Variants in MYH9 observed in about 807,000 individuals in gnomAD.
The protein encoded by MYH9 is myosin-9.
In MYH9, 29 loss-of-function variants were observed where a neutral mutation model predicts 241.9. The observed-to-expected ratio is 0.12, with a 90% CI of 0.09 to 0.16. MYH9 has a LOEUF of 0.16. Ranked by LOEUF, MYH9 falls within the 10% of genes least tolerant of loss-of-function variation. The pLI, the probability that MYH9 is intolerant of heterozygous loss-of-function variation, is 1.00. For missense variants in MYH9, 1,803 were observed against 2,595.5 expected, an observed-to-expected ratio of 0.69 and a Z score of 6.63; for synonymous variants, 1,047 against 1,062.6, an observed-to-expected ratio of 0.99 and a Z score of 0.29.
In MYH9 at chr22:36,281,557, AAC is replaced by A. The variant is rs1351608325; in HGVS notation, c.*1109_*1110del. On this transcript the variant is annotated 3_prime_UTR_variant, in exon 41 of 41. Coordinates refer to ENST00000216181, the MANE Select transcript of MYH9 (RefSeq NM_002473.6). ...GTAAGTCTCAATGCAGCATATACAA[AAC>A]AGTTAGGAATACAAGTAAATTCGGC... 5 of 229,104 alleles carry A rather than the reference AAC, an allele frequency of 2.2e-5. No homozygotes were observed. Among genetic ancestry groups the A allele is most frequent in the East Asian group, 6.3e-5 (1 of 16,000 alleles). 14.2% of individuals were successfully genotyped at this position (229,104 alleles called of 1,614,324 possible). A position where few individuals can be genotyped will look rare whatever the true frequency, so the allele number is the denominator to read the frequency against.
chr22:36,297,081 T>C (rs1026149367), intron 24 of MYH9, 67 bp from the exon 25 acceptor site: 7 of 1,553,182 alleles, frequency 4.5e-6, no homozygotes, highest in African/African-American at 1.4e-5. Flanking sequence ...CAATTACTTA[T>C]ACAAAATACT....
At chr22:36,314,044 A>G in intron 13 of MYH9, 101 bp downstream of exon 13, 2 of 1,439,256 alleles carry the variant, frequency 1.4e-6, no homozygotes, top group East Asian at 2.3e-5. Flanking sequence ...AAGGGGAGTT[A>G]AGACACCTCC....
chr22:36,301,346 T>C (rs1241410748), intron 21 of MYH9, among the ~76,000 whole-genome samples, 188 bp downstream of exon 21: 4 of 152,198 alleles, frequency 2.6e-5, no homozygotes, highest in Non-Finnish European at 5.9e-5. Flanking sequence ...TTAAGTGGCC[T>C]CCCTACATCA....
chr22:36,359,058 A>G (rs1199816014), intron 1 of MYH9, among the ~76,000 whole-genome samples: 5 of 152,210 alleles, frequency 3.3e-5, no homozygotes, highest in Admixed American at 1.3e-4. Context: ...TTGTATTAGG[A>G]ACCCTCTCTG....
Position 36,295,828 on chromosome 22 carries a change from A to C in MYH9, c.3273-111T>G. Reference sequence around the variant, plus strand: ...GCAGCCAAAGCTGCCTCCTGTGGTCACAATCATGGCACTTAGGATGGCTCT... The same window carrying C: ...GCAGCCAAAGCTGCCTCCTGTGGTCCCAATCATGGCACTTAGGATGGCTCT... On this transcript the variant is annotated intron_variant, in intron 25 of 40. Transcript: ENST00000216181. This position sits in a 1 kb window ranked among gnomAD's most constrained non-coding sequence, Gnocchi z 4.1. 1 of 968,570 alleles carries C rather than the reference A, an allele frequency of 1.0e-6. No homozygotes were observed. Among genetic ancestry groups the C allele is most frequent in the South Asian group, 1.4e-5 (1 of 72,418 alleles). The allele number at this position is 968,570 out of a possible 1,614,324, so 60.0% of individuals were successfully genotyped here. A position where few individuals can be genotyped will look rare whatever the true frequency, so the allele number is the denominator to read the frequency against.
In MYH9 at chr22:36,305,958, T is replaced by G; in HGVS notation, c.2131A>C (p.Arg711=). ...TGCCGAAACTCCTGGAAGACCACCC[T>G]GTTGGGGAAGCCCTGGCGGCAGATA... is the stretch of plus-strand genomic sequence containing the variant. The part of the protein sequence containing the change: ...IRICRQGFPN[R]VVFQEFRQRY... Residue 711 remains arginine (R), a synonymous_variant, in exon 17 of 41, where the codon AGG becomes CGG. Transcript: ENST00000216181. This position sits in a 1 kb window ranked among gnomAD's most constrained non-coding sequence, Gnocchi z 4.7. The G allele has an allele frequency of 6.2e-7, 1 of 1,613,324 alleles. No individual in the cohort carries two copies. Among genetic ancestry groups the G allele is most frequent in the South Asian group, 1.1e-5 (1 of 91,072 alleles).
rs531623151 is a variant in MYH9 at position 36,326,440 on chromosome 22, C to T, written c.612+128G>A. The T allele has an allele frequency of 2.7e-5, 25 of 925,512 alleles. No homozygotes were observed. The East Asian group carries it at 5.5e-4, about 20-fold the overall frequency. The allele number at this position is 925,512 out of a possible 1,614,324, so 57.3% of individuals were successfully genotyped here. A position where few individuals can be genotyped will look rare whatever the true frequency, so the allele number is the denominator to read the frequency against. On this transcript the variant is annotated intron_variant, in intron 5 of 40. Coordinates refer to ENST00000216181, the MANE Select transcript of MYH9 (RefSeq NM_002473.6). ...ACGCCACTGCCTCAATGGAAATGGG[C>T]CCAGCCTCTGCTTCATTCCCCAAAG...
At chr22:36,327,601 C>A in intron 3 of MYH9, 113 bp from the exon 4 acceptor site, 1 of 1,250,686 alleles carries the variant, frequency 8.0e-7, no homozygotes, top group Non-Finnish European at 1.2e-6. Flanking sequence ...CAGATGCTGT[C>A]TTTGTGGGGA....
At position 36,368,830 on chromosome 22, in the gene MYH9, C is replaced by T. The variant is rs181572308; in HGVS notation, c.-20+18977G>A. ...ACAACAAAGGCTGCCCTGCAAAGCC[C>T]GGAAGAGCCTGCGAAGCCTGCCCCG... On this transcript the variant is annotated intron_variant, in intron 1 of 40. Transcript: ENST00000216181. 1.6e-4 allele frequency among the ~76,000 whole-genome samples: 23 copies of T among 146,932 alleles called. No homozygotes were observed. The East Asian group carries it at 4.1e-3, about 26-fold the overall frequency.
intron 20 of MYH9, 118 bp downstream of exon 20, chr22:36,302,450 C>T: frequency 1.1e-6 from 1 of 898,640 alleles, no homozygotes; most frequent in Non-Finnish European, 1.8e-6. Context: ...GAGTTTGTGA[C>T]CAACCTGGGC....
chr22:36,319,428 T>C (rs1415921571), intron 10 of MYH9, 112 bp downstream of exon 10: 4 of 986,170 alleles, frequency 4.1e-6, no homozygotes, highest in South Asian at 2.7e-5. Context: ...TACCGACAGA[T>C]ACTAACATTA....
chr22:36,376,570 C>T (rs1414146668), intron 1 of MYH9, among the ~76,000 whole-genome samples: 1 of 152,168 alleles, frequency 6.6e-6, no homozygotes, highest in African/African-American at 2.4e-5. Flanking sequence ...GGAGTCTCTG[C>T]GGACTGACTT....
In MYH9 at chr22:36,284,185, G is replaced by C; in HGVS notation, c.5673C>G (p.Ala1891=). ...GCTCGCGCTGCAGTTTCCGGCGGGA[G>C]GCGTTGGCCCGCTGGGCCTCCTCTT... ...EAEEEAQRAN[A]SRRKLQRELE... Residue 1891 remains alanine, a synonymous_variant, in exon 40 of 41, where the codon GCC becomes GCG. Coordinates refer to ENST00000216181, the MANE Select transcript of MYH9 (RefSeq NM_002473.6). 1 of 1,613,906 alleles carries C rather than the reference G, an allele frequency of 6.2e-7. No individual in the cohort carries two copies. Among genetic ancestry groups the C allele is most frequent in the Non-Finnish European group, 8.5e-7 (1 of 1,179,948 alleles).
At chr22:36,377,398 C>T (rs936020535) in intron 1 of MYH9, among the ~76,000 whole-genome samples, 1 of 152,018 alleles carries the variant, frequency 6.6e-6, no homozygotes, top group East Asian at 1.9e-4. Flanking sequence ...GTGCCTCTAT[C>T]GCTTTGTAAC....
intron 3 of MYH9, among the ~76,000 whole-genome samples, chr22:36,339,958 C>T (rs1043019140): frequency 3.9e-5 from 6 of 152,110 alleles, no homozygotes; most frequent in African/African-American, 1.4e-4. Flanking sequence ...AGATATTCTC[C>T]TTGGAGGCCC....
chr22:36,348,182 A>AT (rs1182522226), intron 2 of MYH9, among the ~76,000 whole-genome samples: 1 of 149,946 alleles, frequency 6.7e-6, no homozygotes, highest in Admixed American at 6.6e-5. Context: ...AAAAAAGAAG[A>AT]TTTTTTAAAG....
At position 36,305,003 on chromosome 22, in the gene MYH9, C is replaced by T. The variant is rs1410945828; in HGVS notation, c.2229+30G>A. On this transcript the variant is annotated intron_variant, in intron 18 of 40. Transcript: ENST00000216181. The surrounding 1 kb of genome is among the most constrained non-coding windows in gnomAD (Gnocchi z 4.7). ...CTCCCCAGACAAGGGGCTGCCCATC[C>T]AGAGAGGCAGGGACAGCAGCTCAAC... The T allele has an allele frequency of 4.3e-6, 7 of 1,609,894 alleles. No individual in the cohort carries two copies. Among genetic ancestry groups the T allele is most frequent in the African/African-American group, 1.3e-5 (1 of 74,816 alleles).
At position 36,293,993 on chromosome 22, in the gene MYH9, GAAGA is replaced by G. The variant is rs2016748562; in HGVS notation, c.3837+95_3837+98del. On this transcript the variant is annotated intron_variant, in intron 28 of 40. Coordinates refer to ENST00000216181, the MANE Select transcript of MYH9 (RefSeq NM_002473.6). This position sits in a 1 kb window ranked among gnomAD's most constrained non-coding sequence, Gnocchi z 5.1. ...ATGAGGGTCTGAGGAGCCAGTTTGA[GAAGA>G]GAGAGAGACAGAGAGCACACATGCA... The G allele has an allele frequency of 2.0e-6, 3 of 1,494,442 alleles. No homozygotes were observed. The highest frequency in any genetic ancestry group is 1.7e-5 in the Admixed American group (1 of 57,348). The allele number at this position is 1,494,442 out of a possible 1,614,324, so 92.6% of individuals were successfully genotyped here. A position where few individuals can be genotyped will look rare whatever the true frequency, so the allele number is the denominator to read the frequency against.
chr22:36,311,151 GT>G (rs2017057478), intron 14 of MYH9, among the ~76,000 whole-genome samples: 1 of 152,206 alleles, frequency 6.6e-6, no homozygotes, highest in African/African-American at 2.4e-5. Context: ...GCAATTAACT[GT>G]TAGGGTCTTT....
Sources: allele counts gnomAD v4.1 joint callset (sites outside exome capture counted in the v4.1 genomes callset), GRCh38; gene constraint gnomAD v4.1.1; non-coding constraint Gnocchi (gnomAD v3.1); transcripts MANE v1.5; gene names NCBI Gene and HGNC (gene_info 2026-07-23, HGNC 2026-07-21).